AFTPH: variants seen among roughly 807,000 people sequenced by gnomAD.
AFTPH encodes aftiphilin, also known as aftiphilin protein.
A neutral mutation model predicts 72.5 loss-of-function variants in AFTPH; 7 were observed. That is an observed-to-expected ratio of 0.10 (90% CI 0.05 to 0.18). AFTPH has a LOEUF of 0.18. AFTPH is among the 10% of genes least tolerant of loss of function. The pLI, the probability that AFTPH is intolerant of heterozygous loss-of-function variation, is 1.00. For missense variants in AFTPH, 979 were observed against 1,060.5 expected, an observed-to-expected ratio of 0.92 and a Z score of 1.07; for synonymous variants, 337 against 370.1, an observed-to-expected ratio of 0.91 and a Z score of 1.03.
chr2:64,533,416 A>G (rs1669733610), intron 1 of AFTPH, among the ~76,000 whole-genome samples: 1 of 152,130 alleles, frequency 6.6e-6, no homozygotes, highest in South Asian at 2.1e-4. Context: ...AAAACAAACA[A>G]ACAAACAAAA....
chr2:64,530,878 A>G (rs1669585408), intron 1 of AFTPH, among the ~76,000 whole-genome samples: 1 of 152,008 alleles, frequency 6.6e-6, no homozygotes, highest in East Asian at 1.9e-4. Flanking sequence ...CCTGGCCAAC[A>G]TGGTAAAACC....
chr2:64,544,430 CAT>C (rs1670441122), intron 1 of AFTPH, among the ~76,000 whole-genome samples: 1 of 152,194 alleles, frequency 6.6e-6, no homozygotes, highest in African/African-American at 2.4e-5. Flanking sequence ...CACACACACA[CAT>C]GCTTGCTTGT....
exon 2 of AFTPH, chr2:64,553,379 C>T (rs368338581): frequency 1.9e-6 from 3 of 1,597,846 alleles, no homozygotes; most frequent in Non-Finnish European, 2.6e-6. Context: ...TTGCTAGTGG[C>T]CATTTACAGG....
At chr2:64,580,918 A>G (rs1325924478) in intron 7 of AFTPH, 1 of 215,086 alleles carries the variant, frequency 4.6e-6, no homozygotes, top group African/African-American at 2.3e-5. Flanking sequence ...GATTGAAGCA[A>G]CTGAACTCCT....
intron 2 of AFTPH, among the ~76,000 whole-genome samples, chr2:64,561,708 G>A (rs967071980): frequency 1.3e-5 from 2 of 152,092 alleles, no homozygotes; most frequent in Non-Finnish European, 2.9e-5. Context: ...AGTAATTGCT[G>A]TAACTATTAT....
At chr2:64,548,422 A>AC (rs1558602915) in intron 1 of AFTPH, among the ~76,000 whole-genome samples, 1 of 149,814 alleles carries the variant, frequency 6.7e-6, no homozygotes, top group Non-Finnish European at 1.5e-5. Context: ...AAAAAAAAAA[A>AC]AAAAAAAAAA....
intron 2 of AFTPH, among the ~76,000 whole-genome samples, chr2:64,553,938 A>G (rs1171880705): frequency 6.6e-6 from 1 of 152,138 alleles, no homozygotes; most frequent in African/African-American, 2.4e-5. Flanking sequence ...GCCAAAGGCT[A>G]TAGTGAATTG....
chr2:64,542,151 G>A (rs1670290329), intron 1 of AFTPH, among the ~76,000 whole-genome samples: 1 of 152,190 alleles, frequency 6.6e-6, no homozygotes, highest in African/African-American at 2.4e-5. Flanking sequence ...CAGTTGAGCA[G>A]TGTGTGCTGT....
chr2:64,556,960 T>C (rs1671415156), intron 2 of AFTPH, among the ~76,000 whole-genome samples: 1 of 152,228 alleles, frequency 6.6e-6, no homozygotes, highest in Non-Finnish European at 1.5e-5. Context: ...ATCTCCATTA[T>C]ACGAATGAGA....
At chr2:64,581,328 A>G in intron 7 of AFTPH, 55 bp downstream of exon 8, 1 of 1,414,698 alleles carries the variant, frequency 7.1e-7, no homozygotes, top group Non-Finnish European at 9.6e-7. Context: ...GCATGACCAC[A>G]TCACTTGACT....
chr2:64,559,496 G>A (rs1487601355), intron 2 of AFTPH, among the ~76,000 whole-genome samples: 1 of 152,162 alleles, frequency 6.6e-6, no homozygotes, highest in African/African-American at 2.4e-5. Flanking sequence ...TCTAAGAAGA[G>A]CTGATTTTTT....
At chr2:64,546,160 TG>T (rs1356013261) in intron 1 of AFTPH, among the ~76,000 whole-genome samples, 1 of 151,794 alleles carries the variant, frequency 6.6e-6, no homozygotes, top group African/African-American at 2.4e-5. Flanking sequence ...CCCAAAGCGC[TG>T]GGATTACAGG....
chr2:64,585,662 AAGTC>A, intron 8 of AFTPH, 117 bp downstream of exon 9: 1 of 1,150,562 alleles, frequency 8.7e-7, no homozygotes, highest in East Asian at 2.5e-5. Context: ...TGCTTTATAA[AAGTC>A]AGTCGATGCC....
chr2:64,585,068 T>C (rs60936550), intron 7 of AFTPH, among the ~76,000 whole-genome samples: 1 of 152,186 alleles, frequency 6.6e-6, no homozygotes, highest in Non-Finnish European at 1.5e-5. Context: ...TCATGTGCAT[T>C]CTATTTATAA....
chr2:64,585,566 A>G (rs1461207204), intron 8 of AFTPH, 21 bp downstream of exon 9: 2 of 1,580,570 alleles, frequency 1.3e-6, no homozygotes, highest in Non-Finnish European at 1.7e-6. Flanking sequence ...AGTGTCAATT[A>G]TACCCACATT....
exon 9 of AFTPH, chr2:64,592,089 A>G (rs992987090): frequency 6.9e-5 from 104 of 1,498,890 alleles, no homozygotes; most frequent in Admixed American, 3.5e-4. Flanking sequence ...TCCCTTCCCT[A>G]CCATCAAAAG....
intron 2 of AFTPH, among the ~76,000 whole-genome samples, chr2:64,557,356 A>C (rs549145322): frequency 1.1e-3 from 166 of 152,356 alleles, no homozygotes; most frequent in Non-Finnish European, 1.9e-3. Flanking sequence ...TTAGACATCC[A>C]ATTGATAATG....
intron 8 of AFTPH, among the ~76,000 whole-genome samples, chr2:64,591,000 A>G (rs1198867630): frequency 6.6e-6 from 1 of 152,250 alleles, no homozygotes; most frequent in Non-Finnish European, 1.5e-5. Flanking sequence ...AACAACTTGA[A>G]ATGATTTTTG....
intron 1 of AFTPH, among the ~76,000 whole-genome samples, chr2:64,547,958 G>GT (rs572211420): frequency 1.7e-3 from 259 of 151,174 alleles, no homozygotes; most frequent in African/African-American, 5.7e-3. Context: ...CTAATATTTT[G>GT]TTTTTTTTGT....
Sources: gnomAD v4.1 joint callset for allele counts (sites outside exome capture counted in the v4.1 genomes callset) on GRCh38, gnomAD v4.1.1 for gene constraint, MANE v1.5 for transcripts, NCBI Gene and HGNC (gene_info 2026-07-23, HGNC 2026-07-21) for gene names.